The following STAB1 variants were observed in gnomAD, a reference collection of about 807,000 sequenced individuals.
The protein encoded by STAB1 is stabilin-1.
A neutral mutation model predicts 332.4 loss-of-function variants in STAB1; 250 were observed. The observed-to-expected ratio is 0.75, with a 90% CI of 0.68 to 0.84. STAB1 has a LOEUF of 0.84. STAB1 is among the 40% of genes least tolerant of loss of function. The pLI, the probability that STAB1 is intolerant of heterozygous loss-of-function variation, is 0.00. For synonymous variants in STAB1, 1,475 were observed against 1,390.4 expected (o/e 1.06, Z -1.35); for missense variants, 3,249 against 3,489.7 (o/e 0.93, Z 1.74).
At chr3:52,503,701 A>G in intron 8 of STAB1, 71 bp from the exon 9 acceptor site, 1 of 1,599,810 alleles carries the variant, frequency 6.3e-7, no homozygotes, top group Non-Finnish European at 8.5e-7. Flanking sequence ...GCAGGGCTCT[A>G]TGGGTAGGGC....
At chr3:52,519,239 C>T (rs759474499) in intron 48 of STAB1, 25 bp from the exon 49 acceptor site, 18 of 1,603,130 alleles carry the variant, frequency 1.1e-5, no homozygotes, top group Non-Finnish European at 3.4e-6. Flanking sequence ...CTATCTGCTT[C>T]ATCAGCCCCG....
At chr3:52,506,872 A>G in intron 18 of STAB1, 22 bp downstream of exon 18, 1 of 1,610,980 alleles carries the variant, frequency 6.2e-7, no homozygotes, top group Non-Finnish European at 8.5e-7. Context: ...CTGCACGGCC[A>G]GGGCCCTACT....
At chr3:52,515,647 A>G in intron 37 of STAB1, 141 bp downstream of exon 37, 1 of 847,432 alleles carries the variant, frequency 1.2e-6, no homozygotes, top group Non-Finnish European at 1.9e-6. Flanking sequence ...CAGAGGAAGG[A>G]GATGGGAGAG....
rs1472094516 is a variant in STAB1, at chr3:52,522,438, C to T, written c.6574C>T (p.His2192Tyr). The T allele has an allele frequency of 3.7e-6, 6 of 1,613,066 alleles. No individual in the cohort carries two copies. The highest frequency in any genetic ancestry group is 5.1e-6 in the Non-Finnish European group (6 of 1,180,042). The change falls in exon 60 of 69, where the codon CAC (histidine) becomes TAC (tyrosine). Residue 2192 changes from histidine to tyrosine, a missense_variant. By Grantham distance (83) the His-to-Tyr change is moderately conservative (BLOSUM62 2). Transcript: ENST00000321725. The part of the protein sequence containing the change: ...DRCLGQPPPC[H>Y]SDAMCTDLHF... ...CTGCTTGGGCCAGCCACCGCCCTGC[C>T]ACTCAGATGCCATGTGCACTGACCT...
chr3:52,522,962 C>T, intron 62 of STAB1, 22 bp downstream of exon 62: 1 of 1,607,978 alleles, frequency 6.2e-7, no homozygotes, highest in Non-Finnish European at 8.5e-7. Flanking sequence ...CGACCAAACC[C>T]TACTTCCCCT....
rs776957886 is a variant in STAB1, at chr3:52,524,222, G to GGAA, written c.7656+11_7656+13dup. On this transcript the variant is annotated intron_variant, in intron 68 of 68. Coordinates refer to ENST00000321725, the MANE Select transcript of STAB1 (RefSeq NM_015136.3). ...TTTGTGAACCCTTCGATGTAAGCAT[G>GGAA]GAAGTGAAGAAGTGTGGCAGATGTG... The GGAA allele has an allele frequency of 1.5e-5, 25 of 1,614,010 alleles. No individual in the cohort carries two copies. Among genetic ancestry groups the GGAA allele is most frequent in the South Asian group, 1.4e-4 (13 of 91,086 alleles).
In STAB1 at chr3:52,518,812, G is replaced by A. The variant is rs2078965087; in HGVS notation, c.4977G>A (p.Leu1659=). 1.2e-6 allele frequency: 2 copies of A among 1,611,120 alleles called. No individual in the cohort carries two copies. The highest frequency in any genetic ancestry group is 2.2e-5 in the South Asian group (2 of 91,028). ...GGCGGCTGCGGAGCGAGGACCTGCT[G>A]GAGCAGGGGTACGCCACGGCCCTCT... The part of the protein sequence containing the change: ...GCRRLRSEDL[L]EQGYATALSG... Residue 1659 remains leucine (L), a synonymous_variant, in exon 48 of 69, where the codon CTG becomes CTA. Coordinates refer to ENST00000321725, the MANE Select transcript of STAB1 (RefSeq NM_015136.3).
rs887290095 is a variant in STAB1 at position 52,503,516 on chromosome 3, G to T, written c.867G>T (p.Leu289Phe). Reference protein sequence around the residue: ...NLGGCPSNSTLCVYQKPGQAF... With the variant: ...NLGGCPSNSTFCVYQKPGQAF... ...GTGGCTGCCCCAGCAACTCTACTTT[G>T]TGTGTGTACCAGAAGCCGGGCCAGG... The change falls in exon 8 of 69, where the codon TTG becomes TTT. Residue 289 changes from leucine to phenylalanine, a missense_variant. By Grantham distance (22) the Leu-to-Phe change is conservative. Transcript: ENST00000321725. 1 of 1,613,594 alleles carries T rather than the reference G, an allele frequency of 6.2e-7. No homozygotes were observed. Among genetic ancestry groups the T allele is most frequent in the East Asian group, 2.2e-5 (1 of 44,884 alleles).
At position 52,502,061 on chromosome 3, in the gene STAB1, C is replaced by T. The variant is rs1196668090; in HGVS notation, c.387C>T (p.Gly129=). 1 of 1,613,508 alleles carries T rather than the reference C, an allele frequency of 6.2e-7. No homozygotes were observed. Among genetic ancestry groups the T allele is most frequent in the East Asian group, 2.2e-5 (1 of 44,878 alleles). The change falls in exon 4 of 69, where the codon GGC becomes GGT. Residue 129 remains glycine (G), a synonymous_variant. Coordinates refer to ENST00000321725, the MANE Select transcript of STAB1 (RefSeq NM_015136.3). ...PCNGHGTCLD[G]MDRNGTCVCQ... is the part of the protein sequence containing the mutation. ...ATGGCCACGGGACCTGCTTGGATGG[C>T]ATGGACAGGAATGGGACCTGTGTGT...
intron 36 of STAB1, 125 bp downstream of exon 36, chr3:52,515,170 G>A: frequency 1.6e-6 from 2 of 1,252,510 alleles, no homozygotes; most frequent in Non-Finnish European, 2.2e-6. Flanking sequence ...AGGGAACTGG[G>A]TGGCTGACGT....
chr3:52,517,805 G>A, intron 44 of STAB1, 76 bp from the exon 45 acceptor site: 1 of 1,601,420 alleles, frequency 6.2e-7, no homozygotes, highest in Non-Finnish European at 8.5e-7. Context: ...GGCCTTCATG[G>A]CCTCTTTCAC....
chr3:52,503,578 GCA>G, intron 8 of STAB1, 38 bp downstream of exon 8: 1 of 1,602,694 alleles, frequency 6.2e-7, no homozygotes, highest in Non-Finnish European at 8.5e-7. Context: ...TCCCCACAGT[GCA>G]CCCAAACACT....
At position 52,514,370 on chromosome 3, in the gene STAB1, A is replaced by C; in HGVS notation, c.3552A>C (p.Ala1184=). ...GTTCTCTCCTTCTCTTCCAGGACGC[A>C]GACACAGTGCGGCACCATGTGGTCC... The part of the protein sequence containing the change: ...EAQGNSSHLD[A]DTVRHHVVLG... The change falls in exon 34 of 69, where the codon GCA becomes GCC. Residue 1184 remains alanine, a synonymous_variant. Transcript: ENST00000321725. 1 of 1,545,226 alleles carries C rather than the reference A, an allele frequency of 6.5e-7. No individual in the cohort carries two copies. Among genetic ancestry groups the C allele is most frequent in the Non-Finnish European group, 8.7e-7 (1 of 1,143,510 alleles).
rs369555182 is a variant in STAB1 at position 52,507,920 on chromosome 3, G to C, written c.2053-11G>C. On this transcript the variant is annotated splice_polypyrimidine_tract_variant and intron_variant, in intron 19 of 68. Coordinates refer to ENST00000321725, the MANE Select transcript of STAB1 (RefSeq NM_015136.3). ...CACACCCACTGACTGGCTTTGCATG[G>C]CCCACCCTAGGACATCTTCCCCAAG... 6.2e-7 allele frequency: 1 copy of C among 1,611,550 alleles called. No homozygotes were observed. Among genetic ancestry groups the C allele is most frequent in the Non-Finnish European group, 8.5e-7 (1 of 1,178,668 alleles).
Position 52,518,734 on chromosome 3 carries a change from CCGGATT to C in STAB1, c.4902_4907del (p.Ile1635_Arg1636del). On this transcript the variant is annotated inframe_deletion, in exon 48 of 69. Coordinates refer to ENST00000321725, the MANE Select transcript of STAB1 (RefSeq NM_015136.3). ...CGACTCTGCTCCAGGATGAGCTGGCCCGGATTCGTGCGCATCGCCAGCTGGTGTTTC... is the reference window on the plus strand; with the variant it reads ...CGACTCTGCTCCAGGATGAGCTGGCCCGTGCGCATCGCCAGCTGGTGTTTC... 6.2e-7 allele frequency: 1 copy of C among 1,612,548 alleles called. No individual in the cohort carries two copies.
intron 35 of STAB1, 27 bp downstream of exon 35, chr3:52,514,856 C>A: frequency 6.2e-7 from 1 of 1,612,798 alleles, no homozygotes; most frequent in East Asian, 2.2e-5. Context: ...ACAGGAAGGC[C>A]GGCACGGGAG....
At position 52,505,952 on chromosome 3, in the gene STAB1, C is replaced by CT. The variant is rs1663703642; in HGVS notation, c.1749+17dup. On this transcript the variant is annotated intron_variant, in intron 16 of 68. Transcript: ENST00000321725. The stretch of plus-strand genomic sequence containing the variant: ...CCACGGCCAGGTGCGAGGTCTTTTT[C>CT]TGGGGGGCGGCCAGCTTGTACCCGG... The CT allele has an allele frequency of 6.2e-7, 1 of 1,613,232 alleles. No homozygotes were observed. The highest frequency in any genetic ancestry group is 8.5e-7 in the Non-Finnish European group (1 of 1,180,008).
intron 38 of STAB1, 30 bp from the exon 39 acceptor site, chr3:52,516,326 C>A (rs776655058): frequency 6.2e-7 from 1 of 1,605,072 alleles, no homozygotes; most frequent in Non-Finnish European, 8.5e-7. Context: ...AGGCACTGGG[C>A]AACTCCTATC....
rs187274126 is a variant in STAB1 at position 52,520,396 on chromosome 3, G to A, written c.5500-4G>A. On this transcript the variant is annotated splice_region_variant and splice_polypyrimidine_tract_variant and intron_variant, in intron 52 of 68. Coordinates refer to ENST00000321725, the MANE Select transcript of STAB1 (RefSeq NM_015136.3). ...CTTGCATACCTCATATTCTCTCCTT[G>A]CAGGGTGAGCTCATGGTGGGTGAGG... 13 of 1,611,846 alleles carry A rather than the reference G, an allele frequency of 8.1e-6. No homozygotes were observed. The highest frequency in any genetic ancestry group is 1.7e-5 in the Admixed American group (1 of 59,998).
Sources: allele counts gnomAD v4.1 joint callset, GRCh38; gene constraint gnomAD v4.1.1; transcripts MANE v1.5; gene names NCBI Gene and HGNC (gene_info 2026-07-23, HGNC 2026-07-21).